ITPR2: variants seen among roughly 807,000 people sequenced by gnomAD.
ITPR2 encodes the protein inositol 1,4,5-trisphosphate-gated calcium channel ITPR2.
A neutral mutation model predicts 317.1 loss-of-function variants in ITPR2; 207 were observed. The ratio of observed to expected loss-of-function variants is 0.65; its 90% confidence interval spans 0.58 to 0.73. ITPR2 has a LOEUF of 0.73. Among genes scored for constraint, ITPR2 ranks in the 30% least tolerant of loss-of-function variants. The pLI, the probability that ITPR2 is intolerant of heterozygous loss-of-function variation, is 0.00. For synonymous variants in ITPR2, 1,156 were observed against 1,149.1 expected, an observed-to-expected ratio of 1.01 and a Z score of -0.12; for missense variants, 2,613 against 3,284.0, an observed-to-expected ratio of 0.80 and a Z score of 4.99.
chr12:26,726,110 C>T (rs1948917117), intron 2 of ITPR2: 1 of 184,046 alleles, frequency 5.4e-6, no homozygotes. Context: ...AGATTAGTGA[C>T]TTTCACTGCC....
intron 35 of ITPR2, among the ~76,000 whole-genome samples, chr12:26,560,894 C>A (rs994025573): frequency 2.0e-5 from 3 of 152,098 alleles, no homozygotes; most frequent in African/African-American, 7.2e-5. Flanking sequence ...TCAAACTATA[C>A]CCCAATTCAA....
rs576570871 is a variant in ITPR2, at chr12:26,815,998, C to G, written c.92+16692G>C. ...GTCCCAGCTACTCGGGAGGCTGAGG[C>G]AGGAGAATGGTGTGAACCCAGGAGG... On this transcript the variant is annotated intron_variant, in intron 1 of 56. Transcript: ENST00000381340. Among the ~76,000 whole-genome samples, 12 of 145,574 alleles carry G rather than the reference C, an allele frequency of 8.2e-5. No homozygotes were observed. In the South Asian group the frequency reaches 2.4e-3, roughly 29 times the overall value.
At chr12:26,550,664 A>T (rs1944501898) in intron 36 of ITPR2, among the ~76,000 whole-genome samples, 1 of 151,634 alleles carries the variant, frequency 6.6e-6, no homozygotes, top group Non-Finnish European at 1.5e-5. Context: ...ATGAACTAAA[A>T]CAAATTTATT....
chr12:26,557,503 G>C (rs913098708), intron 35 of ITPR2, among the ~76,000 whole-genome samples: 1 of 152,180 alleles, frequency 6.6e-6, no homozygotes, highest in Non-Finnish European at 1.5e-5. Context: ...GTGTGGGGAG[G>C]TTCTTTCAAA....
At chr12:26,360,359 G>A (rs557641128) in intron 55 of ITPR2, among the ~76,000 whole-genome samples, 55 of 152,228 alleles carry the variant, frequency 3.6e-4, no homozygotes, top group South Asian at 1.2e-3. Context: ...GTTGTTTCCC[G>A]TCTTCGAGGT....
chr12:26,806,905 G>C lies in ITPR2; in HGVS notation c.93-16678C>G, dbSNP rs562221700. Among the ~76,000 whole-genome samples, 14 of 152,204 alleles carry C rather than the reference G, an allele frequency of 9.2e-5. No homozygotes were observed. The East Asian group carries it at 2.7e-3, about 29-fold the overall frequency. ...TTTAAATGCATTTGAATCACCCTAA[G>C]GGTGTTATTCTCAAAATTTCACAAA... is the stretch of plus-strand genomic sequence containing the variant. On this transcript the variant is annotated intron_variant, in intron 1 of 56. Coordinates refer to ENST00000381340, the MANE Select transcript of ITPR2 (RefSeq NM_002223.4).
Position 26,832,683 on chromosome 12 carries a change from C to T in ITPR2, c.92+7G>A. 6.3e-7 allele frequency: 1 copy of T among 1,590,608 alleles called. No individual in the cohort carries two copies. Among genetic ancestry groups the T allele is most frequent in the Non-Finnish European group, 8.6e-7 (1 of 1,168,958 alleles). ...CGAGCGCTGCCCAGCCCTCGTCTCC[C>T]GCTTACCCCAAGGTGCTGATGAAGC... On this transcript the variant is annotated splice_region_variant and intron_variant, in intron 1 of 56. Coordinates refer to ENST00000381340, the MANE Select transcript of ITPR2 (RefSeq NM_002223.4).
At position 26,492,905 on chromosome 12, in the gene ITPR2, GTATGTGTGTGTGTGTA is replaced by G. The variant is rs1431687565; in HGVS notation, c.5370+1232_5370+1247del. Among the ~76,000 whole-genome samples, 3 of 134,406 alleles carry G rather than the reference GTATGTGTGTGTGTGTA, an allele frequency of 2.2e-5. No homozygotes were observed. In the East Asian group the frequency reaches 6.4e-4, roughly 28 times the overall value. 88.2% of individuals were successfully genotyped at this position (134,406 alleles called of 152,430 possible). A position where few individuals can be genotyped will look rare whatever the true frequency, so the allele number is the denominator to read the frequency against. ...TGATCATTGCACGATATGTGTGTGT[GTATGTGTGTGTGTGTA>G]TATATATATATATATATATATAAAA... On this transcript the variant is annotated intron_variant, in intron 39 of 56. Transcript: ENST00000381340.
chr12:26,470,067 C>T (rs950560225), intron 45 of ITPR2, among the ~76,000 whole-genome samples: 1 of 152,204 alleles, frequency 6.6e-6, no homozygotes, highest in African/African-American at 2.4e-5. Flanking sequence ...GCCCCTAGAT[C>T]ACTCATTCAC....
At position 26,484,034 on chromosome 12, in the gene ITPR2, C is replaced by T. The variant is rs544901630; in HGVS notation, c.5812-136G>A. The T allele has an allele frequency of 5.8e-4, 414 of 712,562 alleles. 3 individuals are homozygous for T. The South Asian group carries it at 7.5e-3, about 13-fold the overall frequency. The allele number at this position is 712,562 out of a possible 1,614,324, so 44.1% of individuals were successfully genotyped here. A position where few individuals can be genotyped will look rare whatever the true frequency, so the allele number is the denominator to read the frequency against. On this transcript the variant is annotated intron_variant, in intron 41 of 56. Transcript: ENST00000381340. ...TCGCATTTATTAAAACTGTCCTCCA[C>T]TTAAGGAGGGAGAAACGCCCTTAGG...
Position 26,774,826 on chromosome 12 carries a change from C to T in ITPR2, c.163+15331G>A, listed in dbSNP as rs562263922. ...CTCTCCCTGCCACATGGAGAAACAG[C>T]AGGAACAGTGCAGAAGTGTATTGTG... On this transcript the variant is annotated intron_variant, in intron 2 of 56. Coordinates refer to ENST00000381340, the MANE Select transcript of ITPR2 (RefSeq NM_002223.4). Among the ~76,000 whole-genome samples, 6 of 152,334 alleles carry T rather than the reference C, an allele frequency of 3.9e-5. No individual in the cohort carries two copies. The East Asian group carries it at 1.2e-3, about 29-fold the overall frequency.
chr12:26,805,987 T>C lies in ITPR2; in HGVS notation c.93-15760A>G, dbSNP rs138779733. Reference sequence around the variant, plus strand: ...ATCCCTCTGGCTGCTGGGTTGAGAATAGATAGACTGGTGGGGAAGAGAGAG... The same window carrying C: ...ATCCCTCTGGCTGCTGGGTTGAGAACAGATAGACTGGTGGGGAAGAGAGAG... On this transcript the variant is annotated intron_variant, in intron 1 of 56. Coordinates refer to ENST00000381340, the MANE Select transcript of ITPR2 (RefSeq NM_002223.4). Among the ~76,000 whole-genome samples the C allele has an allele frequency of 3.6e-4, 55 of 152,194 alleles. 1 individual carries two copies. The East Asian group carries it at 0.01, about 29-fold the overall frequency.
At position 26,364,411 on chromosome 12, in the gene ITPR2, A is replaced by G. The variant is rs184587083; in HGVS notation, c.7857+23023T>C. The stretch of plus-strand genomic sequence containing the variant: ...AATAAGTGCTTTATACATAGTATAA[A>G]TGAATAAATGAATGAACATTCACAA... On this transcript the variant is annotated intron_variant, in intron 55 of 56. Coordinates refer to ENST00000381340, the MANE Select transcript of ITPR2 (RefSeq NM_002223.4). Among the ~76,000 whole-genome samples the G allele has an allele frequency of 1.3e-3, 196 of 152,366 alleles. 3 individuals carry two copies. The highest frequency in any genetic ancestry group is 4.4e-3 in the African/African-American group (184 of 41,580).
At chr12:26,442,431 G>A (rs1941507902) in intron 46 of ITPR2, among the ~76,000 whole-genome samples, 1 of 152,024 alleles carries the variant, frequency 6.6e-6, no homozygotes, top group Admixed American at 6.6e-5. Flanking sequence ...CCTCACTACT[G>A]GAATCAATAA....
chr12:26,778,345 C>T (rs555257304), intron 2 of ITPR2, among the ~76,000 whole-genome samples: 3 of 152,242 alleles, frequency 2.0e-5, no homozygotes, highest in East Asian at 3.9e-4. Context: ...CCGTTCAACT[C>T]CCCTATCTGG....
At chr12:26,722,664 G>A in intron 4 of ITPR2, 109 bp from the exon 5 acceptor site, 2 of 788,742 alleles carry the variant, frequency 2.5e-6, no homozygotes, top group Non-Finnish European at 1.9e-6. Flanking sequence ...GGCTTGAGAT[G>A]AAAATTAAAC....
rs369322040 is a variant in ITPR2, at chr12:26,603,944, C to G, written c.3463-1238G>C. Among the ~76,000 whole-genome samples the G allele has an allele frequency of 9.9e-5, 15 of 152,152 alleles. 1 individual carries two copies. Among genetic ancestry groups the G allele is most frequent in the African/African-American group, 3.6e-4 (15 of 41,496 alleles). On this transcript the variant is annotated intron_variant, in intron 26 of 56. Coordinates refer to ENST00000381340, the MANE Select transcript of ITPR2 (RefSeq NM_002223.4). ...TTGCACTTGGGAGGCATGTCAAGTT[C>G]AATGTGGGTCCAGAACACCCTAAAC... is the stretch of plus-strand genomic sequence containing the variant.
intron 1 of ITPR2, among the ~76,000 whole-genome samples, chr12:26,824,975 T>C (rs1166657598): frequency 6.6e-6 from 1 of 152,212 alleles, no homozygotes; most frequent in Non-Finnish European, 1.5e-5. Context: ...CTCACACCTG[T>C]AATCCCAACA....
chr12:26,541,922 G>A (rs535569298), intron 37 of ITPR2, among the ~76,000 whole-genome samples: 1 of 151,322 alleles, frequency 6.6e-6, no homozygotes, highest in South Asian at 2.1e-4. Context: ...AATAATTCAG[G>A]CATCATTTCT....
Sources: allele counts gnomAD v4.1 joint callset (sites outside exome capture counted in the v4.1 genomes callset), GRCh38; gene constraint gnomAD v4.1.1; transcripts MANE v1.5; gene names NCBI Gene and HGNC (gene_info 2026-07-23, HGNC 2026-07-21).